RUBCNL: variants seen among roughly 807,000 people sequenced by gnomAD.
RUBCNL encodes protein associated with UVRAG as autophagy enhancer.
Under a neutral mutation model 69.5 loss-of-function variants are expected in RUBCNL, and 62 were observed. That is an observed-to-expected ratio of 0.89 (90% CI 0.73 to 1.10). The LOEUF (loss-of-function observed/expected upper bound fraction) is 1.10. Ranked by LOEUF, RUBCNL falls within the 50% of genes least tolerant of loss-of-function variation. RUBCNL has a pLI of 0.00. For synonymous variants in RUBCNL, 291 were observed against 303.6 expected (o/e 0.96, Z 0.43); for missense variants, 768 against 798.1 (o/e 0.96, Z 0.45).
chr13:46,348,235 GA>G (rs1375206045), intron 12 of RUBCNL, among the ~76,000 whole-genome samples: 1 of 152,180 alleles, frequency 6.6e-6, no homozygotes, highest in Non-Finnish European at 1.5e-5. Context: ...TTTGCAAGAT[GA>G]AAAGAGTTTG....
intron 3 of RUBCNL, among the ~76,000 whole-genome samples, chr13:46,369,654 C>A (rs2048835456): frequency 6.6e-6 from 1 of 152,224 alleles, no homozygotes. Flanking sequence ...GCACCCTTAG[C>A]CACTCCATTA....
rs930779593 is a variant in RUBCNL at position 46,378,027 on chromosome 13, G to T, written c.-238-22C>A. On this transcript the variant is annotated intron_variant, in intron 1 of 14. Coordinates refer to ENST00000429979, the MANE Select transcript of RUBCNL (RefSeq NM_025113.5). Reference sequence around the variant, plus strand: ...TTATCTGTAAGGCAAAAAACAATTTGCCAGATGCTATGATACCACTGCCAG... The same window carrying T: ...TTATCTGTAAGGCAAAAAACAATTTTCCAGATGCTATGATACCACTGCCAG... 9 of 1,347,092 alleles carry T rather than the reference G, an allele frequency of 6.7e-6. No homozygotes were observed. The South Asian group carries it at 1.1e-4, about 16-fold the overall frequency. The allele number at this position is 1,347,092 out of a possible 1,614,324, so 83.4% of individuals were successfully genotyped here. A position where few individuals can be genotyped will look rare whatever the true frequency, so the allele number is the denominator to read the frequency against.
chr13:46,372,590 G>C lies in RUBCNL; in HGVS notation c.-115C>G. The stretch of plus-strand genomic sequence containing the variant: ...CCACATGGCCAGCTGGGGGTCTGGA[G>C]AGCTATTCTGCAATGAGCAAGGAAT... On this transcript the variant is annotated 5_prime_UTR_variant, in exon 3 of 15. Coordinates refer to ENST00000429979, the MANE Select transcript of RUBCNL (RefSeq NM_025113.5). 1 of 1,462,554 alleles carries C rather than the reference G, an allele frequency of 6.8e-7. No individual in the cohort carries two copies. Among genetic ancestry groups the C allele is most frequent in the Non-Finnish European group, 9.0e-7 (1 of 1,107,200 alleles). 90.6% of individuals were successfully genotyped at this position (1,462,554 alleles called of 1,614,324 possible).
intron 5 of RUBCNL, among the ~76,000 whole-genome samples, chr13:46,366,786 T>C (rs1235468584): frequency 6.6e-6 from 1 of 152,168 alleles, no homozygotes; most frequent in East Asian, 1.9e-4. Flanking sequence ...TATTAAGTTA[T>C]AGGTTAACTA....
intron 8 of RUBCNL, among the ~76,000 whole-genome samples, chr13:46,360,205 A>T (rs762575542): frequency 6.6e-6 from 1 of 152,256 alleles, no homozygotes; most frequent in East Asian, 1.9e-4. Context: ...CCTGGCCAAC[A>T]TAGTGAAACC....
At chr13:46,347,741 C>T (rs970864798) in intron 12 of RUBCNL, among the ~76,000 whole-genome samples, 4 of 152,072 alleles carry the variant, frequency 2.6e-5, no homozygotes, top group Admixed American at 1.3e-4. Context: ...CCTGTAATCC[C>T]AGCACTTTGG....
In RUBCNL at chr13:46,367,635, C is replaced by T. The variant is rs1227535982; in HGVS notation, c.826+407G>A. Among the ~76,000 whole-genome samples, 4 of 152,142 alleles carry T rather than the reference C, an allele frequency of 2.6e-5. No individual in the cohort carries two copies. In the East Asian group the frequency reaches 7.7e-4, roughly 29 times the overall value. On this transcript the variant is annotated intron_variant, in intron 5 of 14. Coordinates refer to ENST00000429979, the MANE Select transcript of RUBCNL (RefSeq NM_025113.5). ...AAGGATTTAAAGACATACATTTGTC[C>T]TGCTTTATCTGCAGTTTTACTTCCC...
intron 10 of RUBCNL, chr13:46,354,913 T>A (rs2048450484): frequency 2.2e-6 from 1 of 448,900 alleles, no homozygotes; most frequent in Admixed American, 2.4e-5. Context: ...ATGTGTACAG[T>A]TTCTGACTCA....
At chr13:46,367,766 A>C (rs1373993098) in intron 5 of RUBCNL, among the ~76,000 whole-genome samples, 1 of 152,202 alleles carries the variant, frequency 6.6e-6, no homozygotes, top group African/African-American at 2.4e-5. Context: ...GAGTAGGATG[A>C]TGAACTCCCA....
In RUBCNL at chr13:46,335,780, G is replaced by A. The variant is rs1166689619; in HGVS notation, c.*7605C>T. ...GAAAGGGAAAGGATGACTCCTAGGT[G>A]TTTGGCTTAAGCGACTGGGTCTATG... On this transcript the variant is annotated 3_prime_UTR_variant, in exon 15 of 15. Transcript: ENST00000429979. 6.6e-6 allele frequency among the ~76,000 whole-genome samples: 1 copy of A among 152,208 alleles called. No homozygotes were observed. The highest frequency in any genetic ancestry group is 2.4e-5 in the African/African-American group (1 of 41,456).
In RUBCNL at chr13:46,342,799, G is replaced by A. The variant is rs1027516536; in HGVS notation, c.*586C>T. 1 of 152,366 alleles carries A rather than the reference G, an allele frequency of 6.6e-6. No individual in the cohort carries two copies. The highest frequency in any genetic ancestry group is 1.5e-5 in the Non-Finnish European group (1 of 68,160). 9.4% of individuals were successfully genotyped at this position (152,366 alleles called of 1,614,324 possible). A position where few individuals can be genotyped will look rare whatever the true frequency, so the allele number is the denominator to read the frequency against. On this transcript the variant is annotated 3_prime_UTR_variant, in exon 15 of 15. Coordinates refer to ENST00000429979, the MANE Select transcript of RUBCNL (RefSeq NM_025113.5). The stretch of plus-strand genomic sequence containing the variant: ...AACTGCACTTCAACGGGACCCACAC[G>A]CCCTGCTAAGCAACTCAAACTCATC...
intron 1 of RUBCNL, chr13:46,385,324 CAG>C (rs2049215237): frequency 1.1e-6 from 1 of 926,206 alleles, no homozygotes; most frequent in Non-Finnish European, 1.3e-6. Context: ...AAAAAACAAT[CAG>C]AGATCTAATT....
chr13:46,340,303 A>T lies in RUBCNL; in HGVS notation c.*3082T>A. Among the ~76,000 whole-genome samples, 1 of 152,192 alleles carries T rather than the reference A, an allele frequency of 6.6e-6. No individual in the cohort carries two copies. The highest frequency in any genetic ancestry group is 1.9e-4 in the East Asian group (1 of 5,196). On this transcript the variant is annotated 3_prime_UTR_variant, in exon 15 of 15. Coordinates refer to ENST00000429979, the MANE Select transcript of RUBCNL (RefSeq NM_025113.5). ...AACCCACAACAGTAGCTATTGTTCT[A>T]ATCCTTGTATTACAGATTATAAACT...
rs567032693 is a variant in RUBCNL, at chr13:46,357,776, T to A, written c.1266-1280A>T. ...TCCCAAGTAGCTAGGACCACAGGCATGCACCACCATGCCCGGCTAATTTTT... is the reference window on the plus strand; with the variant it reads ...TCCCAAGTAGCTAGGACCACAGGCAAGCACCACCATGCCCGGCTAATTTTT... On this transcript the variant is annotated intron_variant, in intron 9 of 14. Transcript: ENST00000429979. Among the ~76,000 whole-genome samples, 6 of 152,006 alleles carry A rather than the reference T, an allele frequency of 3.9e-5. 1 individual carries two copies. The highest frequency in any genetic ancestry group is 1.2e-4 in the African/African-American group (5 of 41,472).
At chr13:46,362,804 T>C (rs1566077460) in intron 6 of RUBCNL, among the ~76,000 whole-genome samples, 1 of 151,112 alleles carries the variant, frequency 6.6e-6, no homozygotes, top group African/African-American at 2.4e-5. Context: ...ATCTGAAATT[T>C]CACCAAAATA....
rs1467843351 is a variant in RUBCNL at position 46,379,700 on chromosome 13, T to A, written c.-238-1695A>T. Among the ~76,000 whole-genome samples, 4 of 152,350 alleles carry A rather than the reference T, an allele frequency of 2.6e-5. No homozygotes were observed. The East Asian group carries it at 7.7e-4, about 29-fold the overall frequency. On this transcript the variant is annotated intron_variant, in intron 1 of 14. Coordinates refer to ENST00000429979, the MANE Select transcript of RUBCNL (RefSeq NM_025113.5). The stretch of plus-strand genomic sequence containing the variant: ...GAGTGAAAAGTAAAATTCATTTTTA[T>A]CAATTTTATGGTACGTTACTAAGCA...
In RUBCNL at chr13:46,345,575, G is replaced by C. The variant is rs754683964; in HGVS notation, c.1657C>G (p.Pro553Ala). The C allele has an allele frequency of 1.2e-6, 2 of 1,613,620 alleles. No individual in the cohort carries two copies. Among genetic ancestry groups the C allele is most frequent in the South Asian group, 2.2e-5 (2 of 90,928 alleles). Reference protein sequence around the residue: ...NSALKEFEQVPGHLTDELHLF... With the variant: ...NSALKEFEQVAGHLTDELHLF... ...TGGAGCTCATCAGTCAAGTGTCCCG[G>C]CACCTGCTCGAACTCCTTTAATGCA... The change falls in exon 13 of 15, where the codon CCG (proline) becomes GCG (alanine). Residue 553 changes from proline to alanine, a missense_variant. Physicochemically the swap from Pro to Ala is conservative, Grantham distance 27. Transcript: ENST00000429979.
At chr13:46,347,232 C>G (rs1234487151) in intron 12 of RUBCNL, among the ~76,000 whole-genome samples, 1 of 152,068 alleles carries the variant, frequency 6.6e-6, no homozygotes, top group African/African-American at 2.4e-5. Flanking sequence ...ATGGTGAAAC[C>G]TTGTCTCTAC....
chr13:46,339,001 A>T lies in RUBCNL; in HGVS notation c.*4384T>A, dbSNP rs1300317185. ...GCAGAGGCTGCAGTGAACTGAGATC[A>T]CGCCAACTGCACTCCAGCCTGGGCG... On this transcript the variant is annotated 3_prime_UTR_variant, in exon 15 of 15. Coordinates refer to ENST00000429979, the MANE Select transcript of RUBCNL (RefSeq NM_025113.5). Among the ~76,000 whole-genome samples, 2 of 151,326 alleles carry T rather than the reference A, an allele frequency of 1.3e-5. No individual in the cohort carries two copies. The highest frequency in any genetic ancestry group is 2.9e-5 in the Non-Finnish European group (2 of 67,912).
Sources: allele counts gnomAD v4.1 joint callset (sites outside exome capture counted in the v4.1 genomes callset), GRCh38; gene constraint gnomAD v4.1.1; transcripts MANE v1.5; gene names NCBI Gene and HGNC (gene_info 2026-07-23, HGNC 2026-07-21).